The following CA10 variants were observed in gnomAD, a reference collection of about 807,000 sequenced individuals.
CA10 encodes carbonic anhydrase-related protein 10.
In CA10, 14 loss-of-function variants were observed where a neutral mutation model predicts 44.2. The ratio of observed to expected loss-of-function variants is 0.32; its 90% CI spans 0.21 to 0.50. CA10 has a LOEUF of 0.50. CA10 is among the 20% of genes least tolerant of loss of function. The pLI is 0.99. For synonymous variants in CA10, 159 were observed against 141.6 expected, an observed-to-expected ratio of 1.12 and a Z score of -0.87; for missense variants, 350 against 409.7, an observed-to-expected ratio of 0.85 and a Z score of 1.26.
At chr17:52,073,134 T>C (rs1987729576) in intron 1 of CA10, among the ~76,000 whole-genome samples, 1 of 152,342 alleles carries the variant, frequency 6.6e-6, no homozygotes, top group African/African-American at 2.4e-5. Flanking sequence ...CATATTTCAA[T>C]TCCCAGACAC....
At chr17:51,825,467 C>A (rs1907973286) in intron 3 of CA10, among the ~76,000 whole-genome samples, 1 of 152,106 alleles carries the variant, frequency 6.6e-6, no homozygotes, top group African/African-American at 2.4e-5. Flanking sequence ...TTTATATGTG[C>A]TGCCTATTAT....
intron 3 of CA10, among the ~76,000 whole-genome samples, chr17:51,767,609 G>A (rs1905435735): frequency 1.3e-5 from 2 of 152,090 alleles, no homozygotes; most frequent in East Asian, 1.9e-4. Context: ...GACAGCTTTG[G>A]GATGATCGAA....
At chr17:51,631,768 T>G (rs1278415664) in intron 8 of CA10, among the ~76,000 whole-genome samples, 162 bp from the exon 9 acceptor site, 1 of 152,196 alleles carries the variant, frequency 6.6e-6, no homozygotes, top group East Asian at 1.9e-4. Flanking sequence ...CTTCCAATTC[T>G]CCATGACCTT....
intron 3 of CA10, among the ~76,000 whole-genome samples, chr17:51,849,231 GTGTATATATATATA>G (rs1978667978): frequency 6.1e-4 from 34 of 55,874 alleles, no homozygotes; most frequent in Non-Finnish European, 1.6e-3. Context: ...ATATATGTGT[GTGTATATATATATA>G]TATATATATA....
intron 2 of CA10, among the ~76,000 whole-genome samples, chr17:52,025,950 T>G (rs572926201): frequency 6.6e-6 from 1 of 152,080 alleles, no homozygotes; most frequent in African/African-American, 2.4e-5. Context: ...CATAGAAATA[T>G]ATATATACAC....
chr17:51,837,105 A>G (rs117301457), intron 3 of CA10, among the ~76,000 whole-genome samples: 3 of 134,020 alleles, frequency 2.2e-5, no homozygotes, highest in African/African-American at 8.0e-5. Flanking sequence ...CACACACACA[A>G]ACACACATGC....
chr17:51,648,509 T>C (rs1913428298), intron 6 of CA10, among the ~76,000 whole-genome samples: 1 of 152,198 alleles, frequency 6.6e-6, no homozygotes, highest in East Asian at 1.9e-4. Context: ...ATATTATTTC[T>C]TTCATCTATG....
chr17:52,063,769 G>C (rs1011950753), intron 2 of CA10, among the ~76,000 whole-genome samples: 1 of 152,070 alleles, frequency 6.6e-6, no homozygotes, highest in South Asian at 2.1e-4. Context: ...TGAGCCAAAT[G>C]AATCTCTTTA....
At chr17:52,088,508 T>G (rs1030523430) in intron 1 of CA10, among the ~76,000 whole-genome samples, 1 of 152,196 alleles carries the variant, frequency 6.6e-6, no homozygotes, top group Non-Finnish European at 1.5e-5. Flanking sequence ...AAGCACCTTT[T>G]GTTCTTCCAT....
At chr17:51,885,963 C>A (rs1254236123) in intron 3 of CA10, among the ~76,000 whole-genome samples, 1 of 152,212 alleles carries the variant, frequency 6.6e-6, no homozygotes, top group Non-Finnish European at 1.5e-5. Context: ...AGGTTTCTAA[C>A]TAAGGCATTT....
intron 3 of CA10, among the ~76,000 whole-genome samples, chr17:51,856,119 G>A (rs1397456683): frequency 6.6e-6 from 1 of 152,102 alleles, no homozygotes; most frequent in African/African-American, 2.4e-5. Context: ...TAGCATTCCC[G>A]ACCTGTCCCC....
chr17:51,668,411 C>T (rs988339726), intron 4 of CA10, among the ~76,000 whole-genome samples: 2 of 152,214 alleles, frequency 1.3e-5, no homozygotes, highest in African/African-American at 4.8e-5. Context: ...AAACAATAGC[C>T]CTTCTGTGAA....
At chr17:51,705,151 C>G (rs1250443674) in intron 4 of CA10, among the ~76,000 whole-genome samples, 1 of 152,106 alleles carries the variant, frequency 6.6e-6, no homozygotes, top group African/African-American at 2.4e-5. Context: ...ATCTTTGCTC[C>G]TTAAACTTGC....
chr17:52,057,104 A>G lies in CA10; in HGVS notation c.136+15215T>C, dbSNP rs549710990. Among the ~76,000 whole-genome samples, 3 of 152,216 alleles carry G rather than the reference A, an allele frequency of 2.0e-5. No homozygotes were observed. In the East Asian group the frequency reaches 5.8e-4, roughly 29 times the overall value. ...TAACTGAATAATTAGAGTTTCCCCC[A>G]TCAAATTCTATGTAAAATACAGTGC... On this transcript the variant is annotated intron_variant, in intron 2 of 8. Transcript: ENST00000451037.
chr17:51,927,272 C>T (rs1982471420), intron 3 of CA10, among the ~76,000 whole-genome samples: 1 of 152,070 alleles, frequency 6.6e-6, no homozygotes, highest in Non-Finnish European at 1.5e-5. Flanking sequence ...TTGTCATGTC[C>T]TTAACTACTG....
intron 2 of CA10, among the ~76,000 whole-genome samples, chr17:51,967,781 G>A (rs1448709347): frequency 2.6e-5 from 4 of 151,548 alleles, no homozygotes; most frequent in Admixed American, 1.3e-4. Context: ...TCAGCATCAC[G>A]AAGTATACCC....
chr17:52,044,526 A>G (rs1986856244), intron 2 of CA10, among the ~76,000 whole-genome samples: 1 of 151,414 alleles, frequency 6.6e-6, no homozygotes, highest in Non-Finnish European at 1.5e-5. Context: ...CTGGTCTCGG[A>G]CTCCTGAGCT....
rs185502213 is a variant in CA10 at position 51,862,125 on chromosome 17, C to A, written c.279+68865G>T. On this transcript the variant is annotated intron_variant, in intron 3 of 8. Transcript: ENST00000451037. Reference sequence around the variant, plus strand: ...AATTTTCTCACAGATAAAGTCAAGACCAATTAGTGGAAAACACACAGTGGT... The same window carrying A: ...AATTTTCTCACAGATAAAGTCAAGAACAATTAGTGGAAAACACACAGTGGT... Among the ~76,000 whole-genome samples, 152 of 152,234 alleles carry A rather than the reference C, an allele frequency of 1.0e-3. 1 individual carries two copies. Among genetic ancestry groups the A allele is most frequent in the African/African-American group, 3.5e-3 (147 of 41,544 alleles).
At chr17:51,970,878 T>C (rs1028559636) in intron 2 of CA10, among the ~76,000 whole-genome samples, 1 of 151,926 alleles carries the variant, frequency 6.6e-6, no homozygotes, top group Non-Finnish European at 1.5e-5. Flanking sequence ...TAATAAGTGG[T>C]TTTGAGACTG....
Sources: gnomAD v4.1 joint callset for allele counts (sites outside exome capture counted in the v4.1 genomes callset) on GRCh38, gnomAD v4.1.1 for gene constraint, MANE v1.5 for transcripts, NCBI Gene and HGNC (gene_info 2026-07-23, HGNC 2026-07-21) for gene names.